The following CAPN8 variants were observed in gnomAD, a reference collection of about 807,000 sequenced individuals.
CAPN8 encodes calpain-8.
In CAPN8, 87 loss-of-function variants were observed where a neutral mutation model predicts 80.9. The observed-to-expected ratio is 1.07, with a 90% CI of 0.90 to 1.28. CAPN8 has a LOEUF of 1.28. CAPN8 is among the 50% of genes most tolerant of loss of function. The pLI is 0.00. For synonymous variants in CAPN8, 299 were observed against 273.8 expected, an observed-to-expected ratio of 1.09 and a Z score of -0.91; for missense variants, 757 against 702.0, an observed-to-expected ratio of 1.08 and a Z score of -0.89.
At chr1:223,556,142 C>T (rs1656902728) in intron 13 of CAPN8, among the ~76,000 whole-genome samples, 1 of 152,186 alleles carries the variant, frequency 6.6e-6, no homozygotes, top group South Asian at 2.1e-4. Flanking sequence ...GTAATTTTTC[C>T]TTCCCTCATT....
At chr1:223,664,292 C>G (rs1658729710) in intron 1 of CAPN8, among the ~76,000 whole-genome samples, 1 of 152,318 alleles carries the variant, frequency 6.6e-6, no homozygotes, top group East Asian at 1.9e-4. Flanking sequence ...CAATTCATGA[C>G]CTTGCGCAAC....
At chr1:223,662,589 G>A (rs1438186737) in intron 1 of CAPN8, among the ~76,000 whole-genome samples, 1 of 152,214 alleles carries the variant, frequency 6.6e-6, no homozygotes, top group Non-Finnish European at 1.5e-5. Flanking sequence ...GGAGGGTGGT[G>A]ATGGTTGCAT....
intron 12 of CAPN8, 124 bp downstream of exon 12, chr1:223,609,021 CTTGTAGTT>C (rs1459954749): frequency 0.25 from 96,025 of 391,272 alleles, 12,694 homozygotes; most frequent in East Asian, 0.37. Context: ...GTCCTTTGGC[CTTGTAGTT>C]TCTTAGAGGC....
chr1:223,628,008 C>T lies in CAPN8; in HGVS notation c.560+1G>A, dbSNP rs759943524. On this transcript the variant is annotated splice_donor_variant, in intron 4 of 20. Transcript: ENST00000366872. LOFTEE classifies it high-confidence loss of function. ...CCCAGCTCCTGGCTTCCCCCACTTA[C>T]TTGGCATAGGCTTTCTCCAGCAGGG... 13 of 1,532,754 alleles carry T rather than the reference C, an allele frequency of 8.5e-6. No individual in the cohort carries two copies. The highest frequency in any genetic ancestry group is 8.3e-5 in the African/African-American group (6 of 72,516). The allele number at this position is 1,532,754 out of a possible 1,614,324, so 94.9% of individuals were successfully genotyped here.
intron 6 of CAPN8, 107 bp from the exon 7 acceptor site, chr1:223,623,007 A>C: frequency 1.2e-6 from 1 of 817,032 alleles, no homozygotes; most frequent in Non-Finnish European, 2.0e-6. Flanking sequence ...AATGTCCCTA[A>C]AGGACCACAC....
chr1:223,622,746 TTG>T, intron 7 of CAPN8, 67 bp downstream of exon 7: 1 of 1,172,092 alleles, frequency 8.5e-7, no homozygotes, highest in Non-Finnish European at 1.2e-6. Flanking sequence ...GATCTCATTG[TTG>T]TGTGTTTTAC....
intron 4 of CAPN8, 48 bp from the exon 5 acceptor site, chr1:223,627,205 A>T: frequency 1.3e-6 from 2 of 1,540,840 alleles, no homozygotes; most frequent in Non-Finnish European, 1.8e-6. Flanking sequence ...CTCAGCAAGG[A>T]GACCCGGGGA....
chr1:223,545,585 T>C (rs1349452954), intron 16 of CAPN8, among the ~76,000 whole-genome samples: 1 of 152,206 alleles, frequency 6.6e-6, no homozygotes, highest in African/African-American at 2.4e-5. Flanking sequence ...CCTGGTTTAT[T>C]TACAGGGTGG....
intron 18 of CAPN8, chr1:223,544,389 G>C: frequency 1.7e-6 from 1 of 589,744 alleles, no homozygotes; most frequent in South Asian, 2.0e-5. Flanking sequence ...ACCAAGATCA[G>C]CCTAATTCCA....
In CAPN8 at chr1:223,550,969, A is replaced by C; in HGVS notation, c.1690T>G (p.Phe564Val). The change falls in exon 15 of 21, where the codon TTT becomes GTT. Residue 564 changes from phenylalanine to valine, a missense_variant. Physicochemically the swap from Phe to Val is conservative, Grantham distance 50 (BLOSUM62 -1). Transcript: ENST00000366872. ...CCAAGAAGGAACTTACTCTTGGAAA[A>C]CGCCTCATTCAAAAGTATCTTGAGT... Reference protein sequence around the residue: ...NALKILLNEAFSKRTDIKFDG... With the variant: ...NALKILLNEAVSKRTDIKFDG... 1.4e-6 allele frequency: 1 copy of C among 718,230 alleles called. No homozygotes were observed. The highest frequency in any genetic ancestry group is 1.5e-5 in the South Asian group (1 of 67,568). The allele number at this position is 718,230 out of a possible 1,614,324, so 44.5% of individuals were successfully genotyped here.
intron 2 of CAPN8, among the ~76,000 whole-genome samples, chr1:223,639,756 A>C (rs544474708): frequency 3.9e-4 from 60 of 152,268 alleles, no homozygotes; most frequent in African/African-American, 1.4e-3. Context: ...TTCCTTTAAC[A>C]TTTCCTGTAT....
At chr1:223,555,074 TA>T (rs1656874182) in intron 13 of CAPN8, among the ~76,000 whole-genome samples, 2 of 152,264 alleles carry the variant, frequency 1.3e-5, no homozygotes, top group African/African-American at 4.8e-5. Flanking sequence ...GCTGTACTCA[TA>T]AAGATAACCA....
At chr1:223,550,254 C>T (rs975849649) in intron 15 of CAPN8, among the ~76,000 whole-genome samples, 9 of 152,214 alleles carry the variant, frequency 5.9e-5, no homozygotes, top group African/African-American at 2.2e-4. Flanking sequence ...GATCCATCTG[C>T]TCAGCCCTGG....
At chr1:223,644,930 G>A (rs1273470864) in intron 2 of CAPN8, among the ~76,000 whole-genome samples, 1 of 152,184 alleles carries the variant, frequency 6.6e-6, no homozygotes, top group Non-Finnish European at 1.5e-5. Flanking sequence ...TAATAGAGAT[G>A]TATATATGAA....
intron 10 of CAPN8, chr1:223,615,654 G>T: frequency 2.1e-6 from 1 of 473,918 alleles, no homozygotes; most frequent in Non-Finnish European, 4.2e-6. Context: ...CCATGTTCTT[G>T]GCTCTTGTCC....
chr1:223,659,105 T>C (rs1229309677), intron 1 of CAPN8, among the ~76,000 whole-genome samples: 1 of 152,168 alleles, frequency 6.6e-6, no homozygotes, highest in Admixed American at 6.5e-5. Flanking sequence ...TAAATACAAA[T>C]TACTCTAACC....
chr1:223,619,064 C>T (rs1461730603), intron 9 of CAPN8, among the ~76,000 whole-genome samples: 2 of 152,082 alleles, frequency 1.3e-5, no homozygotes, highest in African/African-American at 2.4e-5. Context: ...CATGGTGGTG[C>T]ATGCCTGTGG....
intron 2 of CAPN8, among the ~76,000 whole-genome samples, chr1:223,645,845 C>T (rs897593669): frequency 1.3e-5 from 2 of 152,134 alleles, no homozygotes; most frequent in Admixed American, 1.3e-4. Context: ...AAAGAGTCCT[C>T]CTGGAGCAGA....
At position 223,558,114 on chromosome 1, in the gene CAPN8, A is replaced by G. The variant is rs1233467143; in HGVS notation, c.1572+17T>C. On this transcript the variant is annotated intron_variant, in intron 13 of 20. Transcript: ENST00000366872. Reference sequence around the variant, plus strand: ...ATGCAACAGTGTCAGAGTTTGGCATACAAAAAGATTGCATACCTCATATGG... The same window carrying G: ...ATGCAACAGTGTCAGAGTTTGGCATGCAAAAAGATTGCATACCTCATATGG... 7.5e-6 allele frequency: 3 copies of G among 398,506 alleles called. No individual in the cohort carries two copies. The highest frequency in any genetic ancestry group is 6.2e-5 in the African/African-American group (3 of 48,630). 24.7% of individuals were successfully genotyped at this position (398,506 alleles called of 1,614,324 possible). A position where few individuals can be genotyped will look rare whatever the true frequency, so the allele number is the denominator to read the frequency against.
Sources: allele counts gnomAD v4.1 joint callset (sites outside exome capture counted in the v4.1 genomes callset), GRCh38; gene constraint gnomAD v4.1.1; transcripts MANE v1.5; gene names NCBI Gene and HGNC (gene_info 2026-07-23, HGNC 2026-07-21).